Variants in GLI3 observed in about 807,000 individuals in gnomAD.
GLI3 encodes the protein transcription activator GLI3.
Under a neutral mutation model 100.8 loss-of-function variants are expected in GLI3, and 20 were observed. That is an observed-to-expected ratio of 0.20 (90% CI 0.14 to 0.29). The LOEUF (loss-of-function observed/expected upper bound fraction) is 0.29, where lower values mean the gene tolerates loss of function less well. Ranked by LOEUF, GLI3 falls within the 10% of genes least tolerant of loss-of-function variation. The pLI, the probability that GLI3 is intolerant of heterozygous loss-of-function variation, is 1.00. For synonymous variants in GLI3, 938 were observed against 860.5 expected, an observed-to-expected ratio of 1.09 and a Z score of -1.58; for missense variants, 2,040 against 2,128.5, an observed-to-expected ratio of 0.96 and a Z score of 0.82.
intron 2 of GLI3, among the ~76,000 whole-genome samples, chr7:42,210,786 G>A (rs1367997288): frequency 6.6e-6 from 1 of 151,980 alleles, no homozygotes; most frequent in Non-Finnish European, 1.5e-5. Context: ...GAGATACTTT[G>A]CATGTATCCA....
chr7:42,060,116 A>G (rs574922670), intron 4 of GLI3, among the ~76,000 whole-genome samples: 1 of 152,332 alleles, frequency 6.6e-6, no homozygotes, highest in African/African-American at 2.4e-5. Context: ...CCTTTTTAAC[A>G]GGGAAGTATA....
Position 41,964,129 on chromosome 7 carries a change from G to T in GLI3, c.*201C>A. The T allele has an allele frequency of 6.1e-6, 3 of 489,428 alleles. No individual in the cohort carries two copies. Among genetic ancestry groups the T allele is most frequent in the African/African-American group, 2.0e-5 (1 of 50,420 alleles). 30.3% of individuals were successfully genotyped at this position (489,428 alleles called of 1,614,324 possible). On this transcript the variant is annotated 3_prime_UTR_variant, in exon 15 of 15. Coordinates refer to ENST00000395925, the MANE Select transcript of GLI3 (RefSeq NM_000168.6). ...AACAATACTGATTCAAAACTGAAAT[G>T]GAAGACAGTTTCTCCCTAGAATACT...
intron 3 of GLI3, among the ~76,000 whole-genome samples, chr7:42,137,877 CAT>C (rs1226927851): frequency 1.3e-5 from 2 of 152,182 alleles, no homozygotes; most frequent in Non-Finnish European, 2.9e-5. Flanking sequence ...ATATATAAAA[CAT>C]AAATGAATTG....
rs138607138 is a variant in GLI3, at chr7:42,211,453, T to C, written c.124+11677A>G. On this transcript the variant is annotated intron_variant, in intron 2 of 14. Transcript: ENST00000395925. ...ATTAGTATTTTAGGAAAGATTGAAT[T>C]TAAGCTTAATGTGAAATGGACCAAC... is the stretch of plus-strand genomic sequence containing the variant. Among the ~76,000 whole-genome samples the C allele has an allele frequency of 3.8e-3, 583 of 152,334 alleles. 2 individuals are homozygous for C. Among genetic ancestry groups the C allele is most frequent in the African/African-American group, 0.013 (543 of 41,576 alleles).
intron 4 of GLI3, among the ~76,000 whole-genome samples, chr7:42,061,701 T>C (rs1049251350): frequency 6.6e-6 from 1 of 152,174 alleles, no homozygotes; most frequent in Non-Finnish European, 1.5e-5. Context: ...CTTTATCCCC[T>C]TGGAGGGTGT....
intron 2 of GLI3, among the ~76,000 whole-genome samples, chr7:42,162,342 C>A (rs2128794143): frequency 6.6e-6 from 1 of 152,296 alleles, no homozygotes; most frequent in South Asian, 2.1e-4. Context: ...GTCTCAATGA[C>A]TACTCTGATA....
chr7:42,037,753 TAA>T (rs1784044627), intron 7 of GLI3, among the ~76,000 whole-genome samples: 1 of 152,166 alleles, frequency 6.6e-6, no homozygotes, highest in African/African-American at 2.4e-5. Flanking sequence ...TCTAATGATA[TAA>T]AGAGTTGTGG....
chr7:42,144,220 G>A (rs1261372265), intron 3 of GLI3, among the ~76,000 whole-genome samples: 1 of 152,154 alleles, frequency 6.6e-6, no homozygotes, highest in Non-Finnish European at 1.5e-5. Context: ...ACAGAGCATG[G>A]GCAGAAGAAA....
At chr7:42,021,603 G>A (rs1055910596) in intron 10 of GLI3, among the ~76,000 whole-genome samples, 2 of 152,184 alleles carry the variant, frequency 1.3e-5, no homozygotes, top group Admixed American at 1.3e-4. Flanking sequence ...TTCAAACCCT[G>A]CCTCTTATGA....
chr7:42,102,052 AT>A (rs746046716), intron 3 of GLI3, among the ~76,000 whole-genome samples: 45 of 152,022 alleles, frequency 3.0e-4, no homozygotes, highest in Non-Finnish European at 5.9e-4. Context: ...ACCATGGTGT[AT>A]ATGTGCCACA....
chr7:42,250,824 G>C (rs996591729), intron 1 of GLI3, among the ~76,000 whole-genome samples: 1 of 152,166 alleles, frequency 6.6e-6, no homozygotes, highest in African/African-American at 2.4e-5. Flanking sequence ...AAGGGCGAAA[G>C]AATAGGAACA....
intron 1 of GLI3, among the ~76,000 whole-genome samples, chr7:42,250,984 A>G (rs1282514879): frequency 6.6e-6 from 1 of 152,166 alleles, no homozygotes; most frequent in East Asian, 1.9e-4. Flanking sequence ...ACTAGTCAGG[A>G]AGTATGAAAA....
chr7:42,020,341 G>A (rs1788900677), intron 10 of GLI3, among the ~76,000 whole-genome samples: 1 of 152,150 alleles, frequency 6.6e-6, no homozygotes, highest in Admixed American at 6.5e-5. Flanking sequence ...CCAGAACAAG[G>A]GGAGAACTTG....
intron 10 of GLI3, among the ~76,000 whole-genome samples, chr7:41,981,436 T>A (rs1038350015): frequency 6.6e-6 from 1 of 152,162 alleles, no homozygotes; most frequent in Non-Finnish European, 1.5e-5. Context: ...GAGGAGGGCA[T>A]CAGGGAAACC....
chr7:42,088,267 G>A (rs927342343), intron 3 of GLI3, among the ~76,000 whole-genome samples: 22 of 152,218 alleles, frequency 1.4e-4, no homozygotes, highest in African/African-American at 4.6e-4. Context: ...CAAGTCCACC[G>A]TCCACTTTGC....
chr7:42,010,103 C>A (rs563980829), intron 10 of GLI3, among the ~76,000 whole-genome samples: 3 of 152,312 alleles, frequency 2.0e-5, no homozygotes, highest in African/African-American at 7.2e-5. Flanking sequence ...CTGGAATGAT[C>A]CTCAACTGAC....
chr7:42,204,191 A>G (rs1175923061), intron 2 of GLI3, among the ~76,000 whole-genome samples: 3 of 151,736 alleles, frequency 2.0e-5, no homozygotes, highest in Non-Finnish European at 4.4e-5. Flanking sequence ...TAGGACTCAT[A>G]TACCTCTCCA....
Position 41,964,187 on chromosome 7 carries a change from G to A in GLI3, c.*143C>T. The A allele has an allele frequency of 1.5e-6, 1 of 665,668 alleles. No individual in the cohort carries two copies. The highest frequency in any genetic ancestry group is 2.6e-6 in the Non-Finnish European group (1 of 384,674). 41.2% of individuals were successfully genotyped at this position (665,668 alleles called of 1,614,324 possible). On this transcript the variant is annotated 3_prime_UTR_variant, in exon 15 of 15. Coordinates refer to ENST00000395925, the MANE Select transcript of GLI3 (RefSeq NM_000168.6). ...TTTTCAGAGTCCTTTTCCATAAAAG[G>A]AATATAATTGAAACACATCTCAGTT...
intron 2 of GLI3, among the ~76,000 whole-genome samples, chr7:42,182,693 T>C (rs1388200592): frequency 4.0e-5 from 4 of 100,932 alleles, no homozygotes; most frequent in African/African-American, 2.0e-4. Context: ...CACATGTGTG[T>C]ATATATATAT....
Sources: allele counts gnomAD v4.1 joint callset (sites outside exome capture counted in the v4.1 genomes callset), GRCh38; gene constraint gnomAD v4.1.1; transcripts MANE v1.5; gene names NCBI Gene and HGNC (gene_info 2026-07-23, HGNC 2026-07-21).